AK9: variants seen among roughly 807,000 people sequenced by gnomAD.
The protein encoded by AK9 is adenylate kinase 9.
A neutral mutation model predicts 239.6 loss-of-function variants in AK9; 191 were observed. That is an observed-to-expected ratio of 0.80 (90% CI 0.71 to 0.90). AK9 has a LOEUF of 0.90. Ranked by LOEUF, AK9 falls within the 40% of genes least tolerant of loss-of-function variation. The pLI, the probability that AK9 is intolerant of heterozygous loss-of-function variation, is 0.00. For synonymous variants in AK9, 689 were observed against 721.0 expected (o/e 0.96, Z 0.71); for missense variants, 1,995 against 2,214.7 (o/e 0.90, Z 1.99).
chr6:109,655,820 T>C lies in AK9; in HGVS notation c.759+936A>G, dbSNP rs549060132. On this transcript the variant is annotated intron_variant, in intron 8 of 40. Transcript: ENST00000424296. ...TTTATTGAAGGAAGAAAGGATGTTA[T>C]TGATAGTCGTGTACTTCACGCTTCA... Among the ~76,000 whole-genome samples, 25 of 152,326 alleles carry C rather than the reference T, an allele frequency of 1.6e-4. 1 individual carries two copies. Among genetic ancestry groups the C allele is most frequent in the Admixed American group, 1.3e-3 (20 of 15,292 alleles).
intron 17 of AK9, among the ~76,000 whole-genome samples, chr6:109,594,949 A>AGG (rs1405622499): frequency 4.6e-5 from 7 of 152,098 alleles, no homozygotes; most frequent in Non-Finnish European, 8.8e-5. Context: ...ATAGGCATGC[A>AGG]CAAAGACTTC....
rs1055090150 is a variant in AK9, at chr6:109,637,153, T to C, written c.934-3830A>G. Among the ~76,000 whole-genome samples the C allele has an allele frequency of 3.9e-5, 6 of 152,352 alleles. No individual in the cohort carries two copies. The East Asian group carries it at 7.7e-4, about 20-fold the overall frequency. ...TGCATTTCCTTAATGGCTAGTGATA[T>C]TGAGCATCTTTTCATGTACTTACTG... is the stretch of plus-strand genomic sequence containing the variant. On this transcript the variant is annotated intron_variant, in intron 10 of 40. Transcript: ENST00000424296.
chr6:109,643,779 T>C (rs942027103), intron 9 of AK9, among the ~76,000 whole-genome samples: 1 of 152,166 alleles, frequency 6.6e-6, no homozygotes, highest in Non-Finnish European at 1.5e-5. Context: ...ATTCAGTACC[T>C]GCAAACCACT....
chr6:109,502,957 A>ATGTGTG (rs58542655), intron 35 of AK9, among the ~76,000 whole-genome samples: 6,246 of 145,414 alleles, frequency 0.043, 208 homozygotes, highest in East Asian at 0.1. Flanking sequence ...CAGGAACGGT[A>ATGTGTG]TGTGTGTGTG....
chr6:109,606,940 T>TA (rs906627861), intron 17 of AK9, among the ~76,000 whole-genome samples: 5 of 152,206 alleles, frequency 3.3e-5, no homozygotes, highest in African/African-American at 7.2e-5. Context: ...ACTATAATTC[T>TA]AAAAAATTAT....
At chr6:109,645,538 G>A (rs2357130) in intron 8 of AK9, among the ~76,000 whole-genome samples, 88,610 of 152,054 alleles carry the variant, frequency 0.58, 27,508 homozygotes, top group East Asian at 0.84. Flanking sequence ...GCTTGACTAG[G>A]TAAACAAAGC....
At chr6:109,625,381 C>T (rs1211567627) in intron 12 of AK9, among the ~76,000 whole-genome samples, 1 of 152,134 alleles carries the variant, frequency 6.6e-6, no homozygotes, top group Non-Finnish European at 1.5e-5. Flanking sequence ...TCATTTGTAT[C>T]AATGTTTTAT....
intron 13 of AK9, among the ~76,000 whole-genome samples, chr6:109,614,787 T>C (rs9487170): frequency 0.58 from 88,564 of 151,992 alleles, 27,487 homozygotes; most frequent in East Asian, 0.84. Context: ...CTCTGTATAA[T>C]CATGTAATTT....
intron 8 of AK9, among the ~76,000 whole-genome samples, chr6:109,648,255 G>A (rs1019105632): frequency 3.9e-5 from 6 of 152,042 alleles, no homozygotes; most frequent in Non-Finnish European, 5.9e-5. Context: ...AGAACTGAAG[G>A]AAATAGAGAC....
chr6:109,597,926 T>G (rs2128225374), intron 17 of AK9, among the ~76,000 whole-genome samples: 1 of 152,276 alleles, frequency 6.6e-6, no homozygotes, highest in South Asian at 2.1e-4. Context: ...TTGTATTTCT[T>G]CTTTGATAAA....
chr6:109,650,420 G>A (rs529180460), intron 8 of AK9, among the ~76,000 whole-genome samples: 29 of 152,150 alleles, frequency 1.9e-4, no homozygotes, highest in Non-Finnish European at 2.9e-5. Flanking sequence ...AGTGGGCAAA[G>A]GATATGAACA....
At chr6:109,560,392 T>G (rs1785598674) in intron 24 of AK9, among the ~76,000 whole-genome samples, 1 of 152,228 alleles carries the variant, frequency 6.6e-6, no homozygotes, top group Admixed American at 6.5e-5. Context: ...TACCCTTAAG[T>G]ATGACATTAG....
At chr6:109,618,855 A>T (rs1166344614) in intron 13 of AK9, among the ~76,000 whole-genome samples, 2 of 149,790 alleles carry the variant, frequency 1.3e-5, no homozygotes, top group African/African-American at 4.9e-5. Context: ...CCATTGGAGA[A>T]AGAAATCCAA....
intron 25 of AK9, among the ~76,000 whole-genome samples, chr6:109,547,215 T>C (rs2128158136): frequency 1.3e-5 from 2 of 152,330 alleles, no homozygotes; most frequent in Admixed American, 1.3e-4. Flanking sequence ...TTGAGGTTCA[T>C]GAAAATGGCC....
chr6:109,507,366 T>A (rs10457194), intron 33 of AK9, among the ~76,000 whole-genome samples: 56,660 of 151,512 alleles, frequency 0.37, 10,603 homozygotes, highest in South Asian at 0.44. Flanking sequence ...GTGTGCTCCA[T>A]GCTTGCTTTT....
intron 33 of AK9, among the ~76,000 whole-genome samples, chr6:109,507,364 C>T (rs10457193): frequency 0.37 from 56,668 of 151,546 alleles, 10,607 homozygotes; most frequent in South Asian, 0.44. Flanking sequence ...AAGTGTGCTC[C>T]ATGCTTGCTT....
intron 27 of AK9, among the ~76,000 whole-genome samples, chr6:109,534,084 T>G (rs1451957381): frequency 6.6e-6 from 1 of 152,050 alleles, no homozygotes; most frequent in African/African-American, 2.4e-5. Context: ...TGTTAATGTA[T>G]GTATCCTGGT....
intron 27 of AK9, among the ~76,000 whole-genome samples, chr6:109,538,125 T>C (rs1457698644): frequency 6.6e-6 from 1 of 152,224 alleles, no homozygotes; most frequent in East Asian, 1.9e-4. Context: ...TTAGGTCCAC[T>C]TGGTGTAGAG....
chr6:109,617,074 G>A (rs1272887397), intron 13 of AK9, among the ~76,000 whole-genome samples: 1 of 151,886 alleles, frequency 6.6e-6, no homozygotes, highest in African/African-American at 2.4e-5. Context: ...CAAAATATCT[G>A]GAAATAAGCT....
Sources: gnomAD v4.1 joint callset for allele counts (sites outside exome capture counted in the v4.1 genomes callset) on GRCh38, gnomAD v4.1.1 for gene constraint, MANE v1.5 for transcripts, NCBI Gene and HGNC (gene_info 2026-07-23, HGNC 2026-07-21) for gene names.